RALGPS2: variants seen among roughly 807,000 people sequenced by gnomAD.
The protein encoded by RALGPS2 is ras-specific guanine nucleotide-releasing factor RalGPS2.
RALGPS2 carries 43 observed loss-of-function variants against 86.8 expected under a neutral mutation model. The ratio of observed to expected loss-of-function variants is 0.50; its 90% confidence interval spans 0.39 to 0.64. The LOEUF (loss-of-function observed/expected upper bound fraction) is 0.64, where lower values mean the gene tolerates loss of function less well. Among genes scored for constraint, RALGPS2 ranks in the 30% least tolerant of loss-of-function variants. The probability of loss-of-function intolerance (pLI) is 0.00; values close to 1 mark genes in which losing one functional copy is unlikely to be tolerated. For missense variants in RALGPS2, 536 were observed against 694.6 expected, an observed-to-expected ratio of 0.77 and a Z score of 2.57; for synonymous variants, 243 against 231.3, an observed-to-expected ratio of 1.05 and a Z score of -0.46.
intron 3 of RALGPS2, 47 bp downstream of exon 3, chr1:178,784,569 T>A: frequency 7.3e-7 from 1 of 1,361,724 alleles, no homozygotes; most frequent in Non-Finnish European, 1.0e-6. Flanking sequence ...ATAATTTACA[T>A]ATTGGTGCTA....
intron 1 of RALGPS2, among the ~76,000 whole-genome samples, chr1:178,750,946 A>G (rs1271013315): frequency 6.6e-6 from 1 of 152,150 alleles, no homozygotes; most frequent in Non-Finnish European, 1.5e-5. Flanking sequence ...GGGTGTGTTC[A>G]TGTACACAGT....
chr1:178,839,400 T>C (rs954458009), intron 8 of RALGPS2, among the ~76,000 whole-genome samples: 69 of 152,166 alleles, frequency 4.5e-4, no homozygotes, highest in African/African-American at 1.6e-3. Context: ...GAATTTCATA[T>C]CCAGCCAAAC....
chr1:178,867,905 T>C (rs374426072), intron 8 of RALGPS2, among the ~76,000 whole-genome samples: 70 of 152,134 alleles, frequency 4.6e-4, no homozygotes, highest in East Asian at 4.5e-3. Context: ...TAAAACCATG[T>C]TCCTTTTTTG....
At position 178,859,915 on chromosome 1, in the gene RALGPS2, C is replaced by T. The variant is rs372818802; in HGVS notation, c.608-17583C>T. 4.7e-5 allele frequency among the ~76,000 whole-genome samples: 7 copies of T among 148,426 alleles called. No homozygotes were observed. The East Asian group carries it at 6.1e-4, about 13-fold the overall frequency. On this transcript the variant is annotated intron_variant, in intron 8 of 19. Transcript: ENST00000367635. Reference sequence around the variant, plus strand: ...TGTATTTTTGGTAGAGACGGGGTTTCGCCATGTTAGCCAGGATGGTCTCGA... The same window carrying T: ...TGTATTTTTGGTAGAGACGGGGTTTTGCCATGTTAGCCAGGATGGTCTCGA...
chr1:178,895,752 G>A (rs1402751063), intron 16 of RALGPS2, among the ~76,000 whole-genome samples: 1 of 151,928 alleles, frequency 6.6e-6, no homozygotes, highest in Non-Finnish European at 1.5e-5. Flanking sequence ...TGAGATGGGT[G>A]TATGTTGGGG....
chr1:178,905,492 G>A (rs1413941), intron 18 of RALGPS2, among the ~76,000 whole-genome samples: 30,455 of 151,960 alleles, frequency 0.2, 4,855 homozygotes, highest in African/African-American at 0.45. Flanking sequence ...CAAGTGTAAC[G>A]GTGTTACTTG....
chr1:178,731,828 T>G (rs1650382909), intron 1 of RALGPS2, among the ~76,000 whole-genome samples: 1 of 152,132 alleles, frequency 6.6e-6, no homozygotes, highest in East Asian at 1.9e-4. Flanking sequence ...GCAGACTTTT[T>G]CTTTGAAGGT....
Position 178,811,533 on chromosome 1 carries a change from A to G in RALGPS2, c.387+129A>G, listed in dbSNP as rs889800299. 21 of 634,262 alleles carry G rather than the reference A, an allele frequency of 3.3e-5. 1 individual carries two copies. The highest frequency in any genetic ancestry group is 2.2e-4 in the South Asian group (9 of 40,294). The allele number at this position is 634,262 out of a possible 1,614,324, so 39.3% of individuals were successfully genotyped here. ...AAATAAGACTCATTGATATAAGTCA[A>G]TTTTTAAAATTGGATGCCTACTTTC... is the stretch of plus-strand genomic sequence containing the variant. On this transcript the variant is annotated intron_variant, in intron 6 of 19. Coordinates refer to ENST00000367635, the MANE Select transcript of RALGPS2 (RefSeq NM_152663.5).
intron 7 of RALGPS2, among the ~76,000 whole-genome samples, chr1:178,827,750 T>C (rs1655821301): frequency 6.6e-6 from 1 of 152,150 alleles, no homozygotes; most frequent in Non-Finnish European, 1.5e-5. Context: ...AATATTGTGG[T>C]TAGCATAAAA....
intron 8 of RALGPS2, chr1:178,851,269 C>T (rs760257957): frequency 1.2e-6 from 2 of 1,613,706 alleles, no homozygotes; most frequent in Admixed American, 3.3e-5. Flanking sequence ...TTAGAATGTG[C>T]ACAGGCATTG....
intron 8 of RALGPS2, among the ~76,000 whole-genome samples, chr1:178,851,857 G>A (rs1472357547): frequency 6.6e-6 from 1 of 152,108 alleles, no homozygotes; most frequent in East Asian, 1.9e-4. Context: ...AGAAAAACCA[G>A]TTTGGGACAG....
At chr1:178,814,078 A>G (rs531635992) in intron 6 of RALGPS2, among the ~76,000 whole-genome samples, 1 of 152,280 alleles carries the variant, frequency 6.6e-6, no homozygotes, top group East Asian at 1.9e-4. Context: ...CTTCCCTTCT[A>G]CTGCAATGGG....
intron 7 of RALGPS2, among the ~76,000 whole-genome samples, chr1:178,824,820 A>G (rs969621612): frequency 1.3e-5 from 2 of 152,080 alleles, no homozygotes; most frequent in Non-Finnish European, 2.9e-5. Context: ...AAAAAAAAGA[A>G]AAAAAAAGAA....
chr1:178,910,412 C>G (rs557277270), intron 19 of RALGPS2, among the ~76,000 whole-genome samples: 62 of 152,198 alleles, frequency 4.1e-4, no homozygotes, highest in African/African-American at 1.5e-3. Flanking sequence ...ATAGATGACT[C>G]TTACTATTTT....
At chr1:178,865,930 T>C in intron 8 of RALGPS2, 1 of 540,744 alleles carries the variant, frequency 1.8e-6, no homozygotes, top group Non-Finnish European at 3.2e-6. Context: ...TAGATTAGGC[T>C]AGAATTAACT....
chr1:178,847,406 A>G (rs1055673957), intron 8 of RALGPS2, among the ~76,000 whole-genome samples: 7 of 152,154 alleles, frequency 4.6e-5, no homozygotes, highest in African/African-American at 7.2e-5. Context: ...AGATTGTGCC[A>G]TTGCACTTCA....
At chr1:178,822,812 G>A (rs1331774179) in intron 7 of RALGPS2, among the ~76,000 whole-genome samples, 1 of 151,988 alleles carries the variant, frequency 6.6e-6, no homozygotes, top group East Asian at 1.9e-4. Context: ...TAAAGTTTTA[G>A]GGAAAAGAAT....
At position 178,808,083 on chromosome 1, in the gene RALGPS2, T is replaced by C. The variant is rs1268110854; in HGVS notation, c.252T>C (p.Tyr84=). ...GTGGATGGAATAAAAAAGAAAAATATAGTTCTGCACCAAATGCAGTTGCCT... is the reference window on the plus strand; with the variant it reads ...GTGGATGGAATAAAAAAGAAAAATACAGTTCTGCACCAAATGCAGTTGCCT... ...SSCGWNKKEK[Y]SSAPNAVAFT... The change falls in exon 5 of 20, where the codon TAT becomes TAC. Residue 84 remains tyrosine, a synonymous_variant. Coordinates refer to ENST00000367635, the MANE Select transcript of RALGPS2 (RefSeq NM_152663.5). The C allele has an allele frequency of 5.0e-6, 8 of 1,611,356 alleles. No individual in the cohort carries two copies. Among genetic ancestry groups the C allele is most frequent in the African/African-American group, 2.7e-5 (2 of 74,986 alleles).
chr1:178,911,849 T>C (rs1228971726), intron 19 of RALGPS2, among the ~76,000 whole-genome samples: 3 of 152,174 alleles, frequency 2.0e-5, no homozygotes, highest in Non-Finnish European at 4.4e-5. Context: ...TAAGTCTCTT[T>C]GTAGGTCTCT....
Sources: gnomAD v4.1 joint callset for allele counts (sites outside exome capture counted in the v4.1 genomes callset) on GRCh38, gnomAD v4.1.1 for gene constraint, MANE v1.5 for transcripts, NCBI Gene and HGNC (gene_info 2026-07-23, HGNC 2026-07-21) for gene names.